Variants in DTWD2 observed in about 807,000 individuals in gnomAD.
The protein encoded by DTWD2 is DTW motif tRNA-uridine aminocarboxypropyltransferase 2.
A neutral mutation model predicts 31.8 loss-of-function variants in DTWD2; 39 were observed. The observed-to-expected ratio is 1.22, with a 90% confidence interval of 0.95 to 1.60. The LOEUF is 1.60. Ranked by LOEUF, DTWD2 falls within the 40% of genes most tolerant of loss-of-function variation. DTWD2 has a pLI of 0.00. For missense variants in DTWD2, 515 were observed against 381.5 expected, an observed-to-expected ratio of 1.35 and a Z score of -2.92; for synonymous variants, 180 against 142.8, an observed-to-expected ratio of 1.26 and a Z score of -1.86.
rs1751622822 is a variant in DTWD2, at chr5:118,838,342, C to T, written c.*2575G>A. On this transcript the variant is annotated 3_prime_UTR_variant, in exon 6 of 6. Coordinates refer to ENST00000510708, the MANE Select transcript of DTWD2 (RefSeq NM_173666.4). The stretch of plus-strand genomic sequence containing the variant: ...AACATCAAAGTGCAGATGGGGTACA[C>T]AAGTAAAACCTACTATCAGCTACAA... 6.6e-6 allele frequency: 1 copy of T among 152,130 alleles called. No homozygotes were observed. Among genetic ancestry groups the T allele is most frequent in the African/African-American group, 2.4e-5 (1 of 41,406 alleles). 9.4% of individuals were successfully genotyped at this position (152,130 alleles called of 1,614,324 possible). A position where few individuals can be genotyped will look rare whatever the true frequency, so the allele number is the denominator to read the frequency against.
At chr5:118,851,526 T>A (rs1286523784) in intron 4 of DTWD2, among the ~76,000 whole-genome samples, 1 of 151,938 alleles carries the variant, frequency 6.6e-6, no homozygotes, top group Non-Finnish European at 1.5e-5. Flanking sequence ...AAAGATCACA[T>A]GCTTCTGAGG....
At chr5:118,980,221 C>A (rs184708474) in intron 1 of DTWD2, among the ~76,000 whole-genome samples, 2 of 152,158 alleles carry the variant, frequency 1.3e-5, no homozygotes, top group Non-Finnish European at 2.9e-5. Context: ...TTACTTGCAA[C>A]CCATTGTAAA....
chr5:118,881,090 G>A (rs573740301), intron 4 of DTWD2, among the ~76,000 whole-genome samples: 2 of 152,080 alleles, frequency 1.3e-5, no homozygotes, highest in African/African-American at 4.8e-5. Flanking sequence ...CTATTTTGGA[G>A]AAAAATACTT....
At chr5:118,892,395 T>C (rs1178540151) in intron 4 of DTWD2, among the ~76,000 whole-genome samples, 5 of 152,104 alleles carry the variant, frequency 3.3e-5, no homozygotes, top group Non-Finnish European at 7.4e-5. Flanking sequence ...GAAGCAAAAG[T>C]ATATCGGTTT....
intron 3 of DTWD2, among the ~76,000 whole-genome samples, chr5:118,937,841 G>A (rs1245934294): frequency 6.6e-6 from 1 of 151,784 alleles, no homozygotes; most frequent in Non-Finnish European, 1.5e-5. Context: ...GTATCTGTGT[G>A]TAATAAACTT....
chr5:118,908,756 A>C (rs940912005), intron 4 of DTWD2, among the ~76,000 whole-genome samples: 1 of 152,198 alleles, frequency 6.6e-6, no homozygotes, highest in Non-Finnish European at 1.5e-5. Context: ...CTTCTGGTTA[A>C]AACATTTCAG....
intron 4 of DTWD2, among the ~76,000 whole-genome samples, chr5:118,920,416 T>C (rs766557275): frequency 5.3e-4 from 81 of 152,120 alleles, no homozygotes; most frequent in Non-Finnish European, 5.1e-4. Context: ...CAACGTACTC[T>C]TAACGCTAAA....
chr5:118,937,194 G>A (rs1045437166), intron 3 of DTWD2, among the ~76,000 whole-genome samples: 2 of 151,976 alleles, frequency 1.3e-5, no homozygotes, highest in Admixed American at 6.5e-5. Context: ...TATATTAACA[G>A]AATTAAGGAG....
Position 118,973,688 on chromosome 5 carries a change from G to A in DTWD2, c.218+14606C>T, listed in dbSNP as rs889627017. 555 of 1,326,636 alleles carry A rather than the reference G, an allele frequency of 4.2e-4. 7 individuals are homozygous for A. Among genetic ancestry groups the A allele is most frequent in the South Asian group, 2.1e-3 (174 of 81,264 alleles). The allele number at this position is 1,326,636 out of a possible 1,614,324, so 82.2% of individuals were successfully genotyped here. ...CTCCTTGCTCGCCGCAGCCGCCTCCGCCACGCGCCTCCTCCGCCGCCGCGG... is the reference window on the plus strand; with the variant it reads ...CTCCTTGCTCGCCGCAGCCGCCTCCACCACGCGCCTCCTCCGCCGCCGCGG... On this transcript the variant is annotated intron_variant, in intron 1 of 5. Transcript: ENST00000510708.
intron 1 of DTWD2, among the ~76,000 whole-genome samples, chr5:118,964,749 T>C (rs938940001): frequency 6.6e-6 from 1 of 152,364 alleles, no homozygotes; most frequent in South Asian, 2.1e-4. Context: ...GTGCTCAATG[T>C]TGCCCAGGCT....
intron 1 of DTWD2, among the ~76,000 whole-genome samples, chr5:118,971,882 T>C (rs1303929162): frequency 6.6e-6 from 1 of 152,118 alleles, no homozygotes. Flanking sequence ...CCTTGATAAA[T>C]TACGAAATTA....
chr5:118,862,516 T>C (rs1752285590), intron 4 of DTWD2, among the ~76,000 whole-genome samples: 2 of 152,194 alleles, frequency 1.3e-5, no homozygotes, highest in Admixed American at 1.3e-4. Context: ...TTTAGTGTGA[T>C]TTAAAACTAA....
intron 4 of DTWD2, among the ~76,000 whole-genome samples, chr5:118,864,421 A>C (rs902349045): frequency 6.6e-6 from 1 of 151,132 alleles, no homozygotes; most frequent in Non-Finnish European, 1.5e-5. Context: ...TAGGAGATAT[A>C]CCTAATGCTA....
intron 3 of DTWD2, among the ~76,000 whole-genome samples, chr5:118,935,008 G>C (rs915039073): frequency 2.6e-5 from 4 of 152,078 alleles, no homozygotes; most frequent in Non-Finnish European, 5.9e-5. Flanking sequence ...ACAGCTCCAG[G>C]GTGGGATTAG....
chr5:118,979,878 G>T (rs530297490), intron 1 of DTWD2, among the ~76,000 whole-genome samples: 2 of 152,354 alleles, frequency 1.3e-5, no homozygotes, highest in African/African-American at 4.8e-5. Context: ...GCATCAGGAA[G>T]AATAGCTAAT....
At chr5:118,963,950 C>T (rs1291969981) in intron 1 of DTWD2, among the ~76,000 whole-genome samples, 3 of 152,158 alleles carry the variant, frequency 2.0e-5, no homozygotes, top group Non-Finnish European at 2.9e-5. Flanking sequence ...TGCTTCACAC[C>T]TGTAATCCCA....
At position 118,913,432 on chromosome 5, in the gene DTWD2, T is replaced by TATAC. The variant is rs1554066461; in HGVS notation, c.597+15104_597+15105insGTAT. Among the ~76,000 whole-genome samples, 39 of 137,710 alleles carry TATAC rather than the reference T, an allele frequency of 2.8e-4. No individual in the cohort carries two copies. The East Asian group carries it at 6.4e-3, about 22-fold the overall frequency. 90.3% of individuals were successfully genotyped at this position (137,710 alleles called of 152,430 possible). ...ATAGATATATATAGATATATATATA[T>TATAC]ACACACACACACACACACGTGTGTG... On this transcript the variant is annotated intron_variant, in intron 4 of 5. Coordinates refer to ENST00000510708, the MANE Select transcript of DTWD2 (RefSeq NM_173666.4).
At chr5:118,968,632 T>TC (rs575554265) in intron 1 of DTWD2, among the ~76,000 whole-genome samples, 118 of 151,846 alleles carry the variant, frequency 7.8e-4, no homozygotes, top group African/African-American at 2.5e-3. Context: ...GATCAGGAGA[T>TC]CCCCCCCTGA....
intron 3 of DTWD2, among the ~76,000 whole-genome samples, chr5:118,938,825 A>T (rs1754110522): frequency 6.6e-6 from 1 of 150,576 alleles, no homozygotes; most frequent in Admixed American, 6.6e-5. Flanking sequence ...AAAAAAAAAA[A>T]AGTTGTGGAA....
Sources: gnomAD v4.1 joint callset for allele counts (sites outside exome capture counted in the v4.1 genomes callset) on GRCh38, gnomAD v4.1.1 for gene constraint, MANE v1.5 for transcripts, NCBI Gene and HGNC (gene_info 2026-07-23, HGNC 2026-07-21) for gene names.